The following UBAC2 variants were observed in gnomAD, a reference collection of about 807,000 sequenced individuals.
The protein encoded by UBAC2 is ubiquitin-associated domain-containing protein 2.
A neutral mutation model predicts 44.0 loss-of-function variants in UBAC2; 26 were observed. The observed-to-expected ratio is 0.59, with a 90% CI of 0.43 to 0.82. The LOEUF is 0.82. Ranked by LOEUF, UBAC2 falls within the 40% of genes least tolerant of loss-of-function variation. The probability of loss-of-function intolerance (pLI) is 0.00; values close to 1 mark genes in which losing one functional copy is unlikely to be tolerated. For missense variants in UBAC2, 329 were observed against 419.4 expected, an observed-to-expected ratio of 0.78 and a Z score of 1.88; for synonymous variants, 155 against 154.3, an observed-to-expected ratio of 1.00 and a Z score of -0.04.
intron 1 of UBAC2, chr13:99,201,613 C>CT: frequency 6.2e-7 from 1 of 1,605,924 alleles, no homozygotes. Context: ...GCTTTTCTCA[C>CT]TGAGTGTGTG....
At chr13:99,201,349 C>T in intron 1 of UBAC2, 1 of 1,551,124 alleles carries the variant, frequency 6.4e-7, no homozygotes, top group Non-Finnish European at 8.7e-7. Flanking sequence ...GAACTAACTC[C>T]CCCCGCCCCC....
At chr13:99,293,497 C>G (rs937251366) in intron 4 of UBAC2, among the ~76,000 whole-genome samples, 1 of 152,168 alleles carries the variant, frequency 6.6e-6, no homozygotes, top group Admixed American at 6.5e-5. Context: ...AGATGACTAC[C>G]TAAGTGCCAA....
intron 5 of UBAC2, 85 bp downstream of exon 5, chr13:99,314,305 T>A: frequency 7.0e-7 from 1 of 1,431,576 alleles, no homozygotes; most frequent in Non-Finnish European, 9.3e-7. Flanking sequence ...TTGATCTCCT[T>A]GAAAACAATG....
chr13:99,314,266 T>C (rs1426983672), intron 5 of UBAC2, 46 bp downstream of exon 5: 11 of 1,492,654 alleles, frequency 7.4e-6, no homozygotes, highest in Non-Finnish European at 9.0e-6. Context: ...CCAGATCTTT[T>C]TTTTTTTTTT....
chr13:99,291,258 T>C (rs780917588), intron 4 of UBAC2, among the ~76,000 whole-genome samples: 1 of 152,208 alleles, frequency 6.6e-6, no homozygotes, highest in Non-Finnish European at 1.5e-5. Flanking sequence ...CTTAATCGAA[T>C]AGAAATTTGG....
At chr13:99,330,243 G>T (rs1414688594) in intron 6 of UBAC2, among the ~76,000 whole-genome samples, 1 of 151,848 alleles carries the variant, frequency 6.6e-6, no homozygotes, top group Non-Finnish European at 1.5e-5. Context: ...GGCTGATCAT[G>T]AGGTCAGGAG....
chr13:99,318,690 A>T (rs2044527113), intron 6 of UBAC2, among the ~76,000 whole-genome samples: 1 of 151,290 alleles, frequency 6.6e-6, no homozygotes, highest in African/African-American at 2.4e-5. Flanking sequence ...GCGTGGTGGC[A>T]GGCGCCTGTA....
At chr13:99,287,226 C>T (rs1308457210) in intron 4 of UBAC2, among the ~76,000 whole-genome samples, 1 of 152,046 alleles carries the variant, frequency 6.6e-6, no homozygotes, top group Non-Finnish European at 1.5e-5. Flanking sequence ...CTCAACCCTG[C>T]CCTTGCCTCA....
intron 4 of UBAC2, among the ~76,000 whole-genome samples, chr13:99,270,110 T>C (rs549431251): frequency 6.6e-6 from 1 of 152,334 alleles, no homozygotes; most frequent in East Asian, 1.9e-4. Flanking sequence ...GATGTAAACC[T>C]AAGAATGATT....
intron 1 of UBAC2, chr13:99,215,769 G>T: frequency 8.9e-7 from 1 of 1,129,922 alleles, no homozygotes. Flanking sequence ...TTCGAGTTCT[G>T]CTGAAGCTCA....
At chr13:99,215,488 G>C in intron 1 of UBAC2, 2 of 1,443,346 alleles carry the variant, frequency 1.4e-6, no homozygotes, top group Non-Finnish European at 1.9e-6. Context: ...TGCACGAATA[G>C]CAAGTTGCAA....
intron 1 of UBAC2, among the ~76,000 whole-genome samples, chr13:99,210,520 C>T (rs2042925825): frequency 6.8e-6 from 1 of 146,356 alleles, no homozygotes; most frequent in Admixed American, 7.0e-5. Context: ...TCTTGTTGCC[C>T]ATGCTGGAGT....
intron 4 of UBAC2, chr13:99,254,687 G>A (rs2043509118): frequency 1.9e-6 from 1 of 538,286 alleles, no homozygotes; most frequent in South Asian, 2.8e-5. Context: ...GGCTTGACTA[G>A]GAAAGAAAAA....
intron 4 of UBAC2, among the ~76,000 whole-genome samples, chr13:99,272,564 A>G (rs1315058618): frequency 2.6e-5 from 4 of 152,198 alleles, no homozygotes; most frequent in Admixed American, 1.3e-4. Context: ...TAGAAGTCCA[A>G]GATCAGGATG....
intron 6 of UBAC2, among the ~76,000 whole-genome samples, chr13:99,319,615 C>T (rs1664169141): frequency 2.0e-5 from 3 of 152,180 alleles, no homozygotes; most frequent in Admixed American, 2.0e-4. Flanking sequence ...TTTGTTTTCT[C>T]CTCCCTAAAA....
intron 4 of UBAC2, among the ~76,000 whole-genome samples, chr13:99,312,558 G>C (rs564407676): frequency 6.6e-6 from 1 of 152,114 alleles, no homozygotes; most frequent in African/African-American, 2.4e-5. Context: ...GCATCTTACC[G>C]TGACATCCTT....
At chr13:99,346,454 GC>G (rs1469883701) in intron 7 of UBAC2, among the ~76,000 whole-genome samples, 1 of 152,196 alleles carries the variant, frequency 6.6e-6, no homozygotes, top group African/African-American at 2.4e-5. Flanking sequence ...CTGCTATGTG[GC>G]CGCATCTCCT....
At chr13:99,327,536 CTG>C (rs2044656463) in intron 6 of UBAC2, among the ~76,000 whole-genome samples, 1 of 151,834 alleles carries the variant, frequency 6.6e-6, no homozygotes, top group Non-Finnish European at 1.5e-5. Context: ...CGGGGACTGA[CTG>C]TGTTGATATT....
chr13:99,342,084 T>C (rs1318984557), intron 7 of UBAC2, among the ~76,000 whole-genome samples: 1 of 152,194 alleles, frequency 6.6e-6, no homozygotes, highest in Non-Finnish European at 1.5e-5. Context: ...GGAAGATTTT[T>C]ATACAAAGAG....
Sources: gnomAD v4.1 joint callset for allele counts (sites outside exome capture counted in the v4.1 genomes callset) on GRCh38, gnomAD v4.1.1 for gene constraint, MANE v1.5 for transcripts, NCBI Gene and HGNC (gene_info 2026-07-23, HGNC 2026-07-21) for gene names.